The following HELLS variants were observed in gnomAD, a reference collection of about 807,000 sequenced individuals.
HELLS encodes the protein helicase, lymphoid specific, also known as lymphoid-specific helicase.
HELLS carries 32 observed loss-of-function variants against 120.0 expected under a neutral mutation model. The ratio of observed to expected loss-of-function variants is 0.27; its 90% CI spans 0.20 to 0.36. HELLS has a LOEUF of 0.36. Ranked by LOEUF, HELLS falls within the 10% of genes least tolerant of loss-of-function variation. The pLI, the probability that HELLS is intolerant of heterozygous loss-of-function variation, is 1.00. For synonymous variants in HELLS, 341 were observed against 323.4 expected, an observed-to-expected ratio of 1.05 and a Z score of -0.58; for missense variants, 650 against 993.4, an observed-to-expected ratio of 0.65 and a Z score of 4.65.
intron 21 of HELLS, 130 bp downstream of exon 21, chr10:94,597,241 G>T: frequency 1.8e-6 from 1 of 546,066 alleles, no homozygotes. Flanking sequence ...TTTCTTCTTA[G>T]AGTATTAAAA....
intron 10 of HELLS, 93 bp downstream of exon 10, chr10:94,576,898 A>T (rs879193094): frequency 2.6e-6 from 3 of 1,173,486 alleles, no homozygotes; most frequent in South Asian, 1.7e-5. Flanking sequence ...CATTTGTCTA[A>T]TTTTTTTTTG....
chr10:94,605,391 CT>C (rs544119962), downstream of HELLS, among the ~76,000 whole-genome samples: 4 of 151,996 alleles, frequency 2.6e-5, no homozygotes, highest in East Asian at 1.9e-4. Context: ...CTGGATCTAA[CT>C]TTTTTTCCTC....
rs564885033 is a variant in HELLS, at chr10:94,560,255, C to G, written c.333+2060C>G. 2.0e-5 allele frequency among the ~76,000 whole-genome samples: 3 copies of G among 152,284 alleles called. No homozygotes were observed. In the South Asian group the frequency reaches 6.2e-4, roughly 32 times the overall value. ...CCATCTTGGCCAGGCTGGTCTTGAACTCCTGATCTTGTGATCCACTTGCCT... is the reference window on the plus strand; with the variant it reads ...CCATCTTGGCCAGGCTGGTCTTGAAGTCCTGATCTTGTGATCCACTTGCCT... On this transcript the variant is annotated intron_variant, in intron 4 of 21. Transcript: ENST00000348459.
chr10:94,558,613 C>A (rs12571306), intron 4 of HELLS, among the ~76,000 whole-genome samples: 30,862 of 150,086 alleles, frequency 0.21, 3,276 homozygotes, highest in South Asian at 0.34. Context: ...TTTTTTTTTT[C>A]TTTTTTGAGA....
rs1275355450 is a variant in HELLS, at chr10:94,599,621, T to G, written c.2423-1907T>G. Among the ~76,000 whole-genome samples, 3 of 152,322 alleles carry G rather than the reference T, an allele frequency of 2.0e-5. No homozygotes were observed. The East Asian group carries it at 5.8e-4, about 29-fold the overall frequency. Reference sequence around the variant, plus strand: ...ATCTGTCTGCCTCATCCTCCTAAAGTGCTGGCATTATCGAAACTGCTTTTA... The same window carrying G: ...ATCTGTCTGCCTCATCCTCCTAAAGGGCTGGCATTATCGAAACTGCTTTTA... On this transcript the variant is annotated intron_variant, in intron 21 of 21. Transcript: ENST00000348459.
downstream of HELLS, among the ~76,000 whole-genome samples, chr10:94,603,428 C>T (rs1846088866): frequency 6.6e-6 from 1 of 152,088 alleles, no homozygotes; most frequent in South Asian, 2.1e-4. Flanking sequence ...CCTGCTTTTT[C>T]TTCCTATTTC....
rs1491523737 is a variant in HELLS, at chr10:94,580,185, A to ACT, written c.1033-1141_1033-1140insCT. 2.2e-3 allele frequency among the ~76,000 whole-genome samples: 154 copies of ACT among 69,332 alleles called. 1 individual carries two copies. The highest frequency in any genetic ancestry group is 9.1e-3 in the African/African-American group (145 of 15,878). The allele number at this position is 69,332 out of a possible 152,430, so 45.5% of individuals were successfully genotyped here. ...TATACACACACACACACACACACAC[A>ACT]TTTTTTTTTTTTTTTTTTTGAGACA... On this transcript the variant is annotated intron_variant, in intron 10 of 21. Coordinates refer to ENST00000348459, the MANE Select transcript of HELLS (RefSeq NM_018063.5).
chr10:94,608,244 G>A (rs1846149088), intron 9 of HELLS, among the ~76,000 whole-genome samples: 1 of 152,152 alleles, frequency 6.6e-6, no homozygotes, highest in Non-Finnish European at 1.5e-5. Flanking sequence ...GATAAATGAG[G>A]TCTAAAGACA....
intron 11 of HELLS, among the ~76,000 whole-genome samples, chr10:94,582,219 C>T (rs565861813): frequency 6.6e-6 from 1 of 152,270 alleles, no homozygotes; most frequent in African/African-American, 2.4e-5. Context: ...TATTTCAAAT[C>T]TGGTTACCGA....
intron 4 of HELLS, among the ~76,000 whole-genome samples, chr10:94,560,322 C>T (rs1484796225): frequency 6.6e-6 from 1 of 152,166 alleles, no homozygotes; most frequent in Non-Finnish European, 1.5e-5. Context: ...TTATTTGATT[C>T]TTAGACTAGT....
At chr10:94,572,330 A>G (rs1013422324) in intron 7 of HELLS, among the ~76,000 whole-genome samples, 1 of 152,216 alleles carries the variant, frequency 6.6e-6, no homozygotes, top group Non-Finnish European at 1.5e-5. Flanking sequence ...ACTTGCATAC[A>G]CTTGTGTAAC....
Position 94,592,466 on chromosome 10 carries a change from C to G in HELLS, c.1923C>G (p.Asn641Lys), listed in dbSNP as rs771583849. The G allele has an allele frequency of 2.1e-5, 33 of 1,578,172 alleles. No homozygotes were observed. In the South Asian group the frequency reaches 3.7e-4, roughly 18 times the overall value. The change falls in exon 17 of 22, where the codon AAC (asparagine) becomes AAG (lysine). Residue 641 changes from asparagine to lysine, a missense_variant. By Grantham distance (94) the Asn-to-Lys change is moderately conservative. Coordinates refer to ENST00000348459, the MANE Select transcript of HELLS (RefSeq NM_018063.5). ...LMDYCHLRDF[N>K]FSRLDGSMSY... ...ATTACTGCCATCTCAGAGATTTCAA[C>G]TTCAGCAGGCTTGATGGGTCCATGT...
At chr10:94,583,980 T>C (rs1844999466) in intron 12 of HELLS, 3 of 587,484 alleles carry the variant, frequency 5.1e-6, no homozygotes, top group Admixed American at 3.0e-5. Context: ...TTCTGGCTAT[T>C]TCCTTAGGAA....
intron 6 of HELLS, among the ~76,000 whole-genome samples, chr10:94,568,808 G>GT (rs975833115): frequency 1.3e-5 from 2 of 150,542 alleles, no homozygotes; most frequent in Non-Finnish European, 3.0e-5. Context: ...AATTACAAAT[G>GT]TTTAGAGGAT....
exon 10 of HELLS, chr10:94,610,808 T>C: frequency 6.6e-6 from 1 of 152,372 alleles, no homozygotes. Context: ...CAGGCTAGCC[T>C]CGAACTCCTG....
At chr10:94,587,913 T>C (rs1342613973) in intron 12 of HELLS, among the ~76,000 whole-genome samples, 5 of 152,224 alleles carry the variant, frequency 3.3e-5, no homozygotes, top group African/African-American at 1.2e-4. Context: ...AACATCTCAT[T>C]CTAAAAGTTG....
At chr10:94,558,521 G>T (rs1843374659) in intron 4 of HELLS, among the ~76,000 whole-genome samples, 1 of 152,156 alleles carries the variant, frequency 6.6e-6, no homozygotes, top group South Asian at 2.1e-4. Context: ...AACCTGTAAT[G>T]AAGTTTTGCT....
In HELLS at chr10:94,558,183, A is replaced by G; in HGVS notation, c.321A>G (p.Leu107=). Residue 107 remains leucine, a synonymous_variant, in exon 4 of 22, where the codon TTA becomes TTG. Transcript: ENST00000348459. The stretch of plus-strand genomic sequence containing the variant: ...AATTGGAGAGAAAAAAGGAGTCTTT[A>G]AAAGTTAAAAAGGTAATATAGCCAG... ...KEKLERKKES[L]KVKKGKNSID... is the part of the protein sequence containing the mutation. The G allele has an allele frequency of 6.4e-7, 1 of 1,565,042 alleles. No homozygotes were observed. The highest frequency in any genetic ancestry group is 8.6e-7 in the Non-Finnish European group (1 of 1,163,384).
chr10:94,574,878 C>T (rs1350624473), intron 9 of HELLS, 142 bp downstream of exon 9: 2 of 609,164 alleles, frequency 3.3e-6, no homozygotes, highest in Non-Finnish European at 5.5e-6. Flanking sequence ...ACTCAATCTG[C>T]ACAATACCCT....
Sources: gnomAD v4.1 joint callset for allele counts (sites outside exome capture counted in the v4.1 genomes callset) on GRCh38, gnomAD v4.1.1 for gene constraint, MANE v1.5 for transcripts, NCBI Gene and HGNC (gene_info 2026-07-23, HGNC 2026-07-21) for gene names.